MAP3K20: variants seen among roughly 807,000 people sequenced by gnomAD.
MAP3K20 encodes HCCS-4.
In MAP3K20, 40 loss-of-function variants were observed where a neutral mutation model predicts 85.7. That is an observed-to-expected ratio of 0.47 (90% confidence interval 0.36 to 0.61). The LOEUF (loss-of-function observed/expected upper bound fraction) is 0.61. Ranked by LOEUF, MAP3K20 falls within the 20% of genes least tolerant of loss-of-function variation. MAP3K20 has a pLI of 0.00. For missense variants in MAP3K20, 817 were observed against 961.7 expected, an observed-to-expected ratio of 0.85 and a Z score of 1.99; for synonymous variants, 325 against 327.7, an observed-to-expected ratio of 0.99 and a Z score of 0.09.
chr2:173,171,761 C>G (rs148844667), intron 3 of MAP3K20, among the ~76,000 whole-genome samples: 260 of 152,292 alleles, frequency 1.7e-3, no homozygotes, highest in Middle Eastern at 3.4e-3. Context: ...GGATCTATAT[C>G]TCTTTCCCTG....
intron 11 of MAP3K20, chr2:173,221,493 G>C: frequency 1.2e-6 from 2 of 1,602,052 alleles, no homozygotes; most frequent in Non-Finnish European, 1.7e-6. Flanking sequence ...GATGATGACG[G>C]TGAGGAGGAG....
intron 3 of MAP3K20, among the ~76,000 whole-genome samples, chr2:173,173,184 GTGTGTGTGTGTGTC>G (rs1199142412): frequency 1.3e-4 from 18 of 139,318 alleles, no homozygotes; most frequent in East Asian, 2.1e-4. Context: ...GTGTGTGTGT[GTGTGTGTGTGTGTC>G]TGTGTAAAAC....
At chr2:173,160,134 AT>A (rs1559257637) in intron 2 of MAP3K20, 1 of 152,082 alleles carries the variant, frequency 6.6e-6, no homozygotes, top group Admixed American at 6.6e-5. Flanking sequence ...GTATTCTATT[AT>A]GGGTTTGAAT....
intron 6 of MAP3K20, 42 bp downstream of exon 6, chr2:173,190,965 A>C (rs755988241): frequency 1.2e-6 from 2 of 1,608,492 alleles, no homozygotes; most frequent in Non-Finnish European, 1.7e-6. Context: ...TTAATTTCAG[A>C]TGTAGATTTT....
At chr2:173,182,225 A>G (rs1690352299) in intron 3 of MAP3K20, among the ~76,000 whole-genome samples, 2 of 152,244 alleles carry the variant, frequency 1.3e-5, no homozygotes, top group Admixed American at 1.3e-4. Context: ...TGTGAGAGTG[A>G]TGATTAACTG....
intron 2 of MAP3K20, among the ~76,000 whole-genome samples, chr2:173,141,825 A>G (rs1015919371): frequency 1.3e-5 from 2 of 152,164 alleles, no homozygotes; most frequent in African/African-American, 4.8e-5. Context: ...AATGTCAAAA[A>G]CAGCCAGAAA....
At chr2:173,126,475 G>A (rs1387855513) in intron 2 of MAP3K20, among the ~76,000 whole-genome samples, 2 of 152,166 alleles carry the variant, frequency 1.3e-5, no homozygotes, top group Non-Finnish European at 2.9e-5. Context: ...CACCTCCCAG[G>A]TTCAAGCGAT....
intron 2 of MAP3K20, among the ~76,000 whole-genome samples, chr2:173,138,059 A>G (rs986503573): frequency 6.6e-6 from 1 of 152,006 alleles, no homozygotes; most frequent in Non-Finnish European, 1.5e-5. Flanking sequence ...CCTCCGCCTC[A>G]CAGGTTCAAG....
intron 3 of MAP3K20, among the ~76,000 whole-genome samples, chr2:173,170,358 TA>T (rs1464115966): frequency 3.3e-5 from 5 of 152,216 alleles, no homozygotes; most frequent in African/African-American, 4.8e-5. Context: ...ACTAAGTTGG[TA>T]ATGACCTTGA....
At chr2:173,193,210 T>C (rs145811467) in intron 7 of MAP3K20, among the ~76,000 whole-genome samples, 382 of 152,332 alleles carry the variant, frequency 2.5e-3, no homozygotes, top group Non-Finnish European at 4.4e-3. Context: ...TAGGTATATA[T>C]GTATGTTGGT....
chr2:173,215,264 C>G (rs1357438940), intron 10 of MAP3K20, among the ~76,000 whole-genome samples: 1 of 152,226 alleles, frequency 6.6e-6, no homozygotes, highest in Non-Finnish European at 1.5e-5. Context: ...CCATCGCACA[C>G]TGAGGGCACC....
At chr2:173,132,148 C>T (rs761659881) in intron 2 of MAP3K20, among the ~76,000 whole-genome samples, 1 of 152,140 alleles carries the variant, frequency 6.6e-6, no homozygotes. Context: ...CTTATCACTC[C>T]TTTCAGCCTC....
At chr2:173,112,253 A>C (rs987320162) in intron 2 of MAP3K20, among the ~76,000 whole-genome samples, 1 of 152,076 alleles carries the variant, frequency 6.6e-6, no homozygotes, top group Admixed American at 6.6e-5. Context: ...TGTGTATATT[A>C]ATCTTGTATT....
chr2:173,216,521 A>T (rs946762372), intron 10 of MAP3K20, among the ~76,000 whole-genome samples: 89 of 121,388 alleles, frequency 7.3e-4, no homozygotes, highest in East Asian at 8.6e-4. Context: ...TTTTTTTTTT[A>T]AAAAACAAGT....
At chr2:173,077,631 A>G (rs752101158) in intron 1 of MAP3K20, among the ~76,000 whole-genome samples, 5 of 152,216 alleles carry the variant, frequency 3.3e-5, no homozygotes, top group Non-Finnish European at 5.9e-5. Context: ...TTTTTTAACT[A>G]CAAAATATTG....
At chr2:173,235,848 G>T (rs1003747796) in intron 14 of MAP3K20, among the ~76,000 whole-genome samples, 1 of 152,204 alleles carries the variant, frequency 6.6e-6, no homozygotes, top group Non-Finnish European at 1.5e-5. Context: ...TGGCAGAAAG[G>T]ATGTGTGTGG....
At chr2:173,247,604 T>C (rs906931723) in intron 16 of MAP3K20, among the ~76,000 whole-genome samples, 5 of 152,206 alleles carry the variant, frequency 3.3e-5, no homozygotes, top group African/African-American at 9.6e-5. Flanking sequence ...CTAAGATGAA[T>C]AAGTTCTAGA....
chr2:173,189,752 C>A (rs894219559), intron 5 of MAP3K20, among the ~76,000 whole-genome samples: 2 of 152,186 alleles, frequency 1.3e-5, no homozygotes, highest in African/African-American at 4.8e-5. Context: ...AACCATTAAT[C>A]TGTATTGCTT....
chr2:173,097,838 CAG>C (rs1301710911), intron 2 of MAP3K20, among the ~76,000 whole-genome samples: 2 of 152,026 alleles, frequency 1.3e-5, no homozygotes, highest in Admixed American at 6.6e-5. Context: ...TTGAAATTGA[CAG>C]AGAACCAAGA....
Sources: gnomAD v4.1 joint callset for allele counts (sites outside exome capture counted in the v4.1 genomes callset) on GRCh38, gnomAD v4.1.1 for gene constraint, MANE v1.5 for transcripts, NCBI Gene and HGNC (gene_info 2026-07-23, HGNC 2026-07-21) for gene names.